Variants in LRP1B observed in about 807,000 individuals in gnomAD.
The protein encoded by LRP1B is low-density lipoprotein receptor-related protein 1B.
A neutral mutation model predicts 556.6 loss-of-function variants in LRP1B; 217 were observed. The ratio of observed to expected loss-of-function variants is 0.39; its 90% CI spans 0.35 to 0.44. The LOEUF (loss-of-function observed/expected upper bound fraction) is 0.44. LRP1B is among the 20% of genes least tolerant of loss of function. LRP1B has a pLI of 1.00. For synonymous variants in LRP1B, 2,047 were observed against 1,865.8 expected (o/e 1.10, Z -2.50); for missense variants, 5,053 against 5,620.8 (o/e 0.90, Z 3.23).
At chr2:141,512,451 A>G (rs577930199) in intron 2 of LRP1B, among the ~76,000 whole-genome samples, 1 of 152,048 alleles carries the variant, frequency 6.6e-6, no homozygotes, top group African/African-American at 2.4e-5. Context: ...TTTACTCCAG[A>G]CTCACTGTTC....
intron 2 of LRP1B, among the ~76,000 whole-genome samples, chr2:141,591,522 T>G (rs902518371): frequency 3.3e-5 from 5 of 152,116 alleles, no homozygotes; most frequent in African/African-American, 1.2e-4. Flanking sequence ...AGAAACATAT[T>G]TTAATTGAAG....
chr2:141,687,730 G>C (rs1195613034), intron 2 of LRP1B, among the ~76,000 whole-genome samples: 1 of 151,972 alleles, frequency 6.6e-6, no homozygotes, highest in African/African-American at 2.4e-5. Context: ...TTTTCCACGT[G>C]AAGGCTTTTT....
intron 2 of LRP1B, among the ~76,000 whole-genome samples, chr2:141,807,536 C>T (rs1696204594): frequency 6.6e-6 from 1 of 152,008 alleles, no homozygotes; most frequent in African/African-American, 2.4e-5. Flanking sequence ...TTGGATCCAT[C>T]AAATGTTATT....
In LRP1B at chr2:141,439,311, C is replaced by T. The variant is rs1022243625; in HGVS notation, c.343+41085G>A. ...TTTAATGGTTTTCTTGCAGTGTTCA[C>T]GGAAGGTAACAAGCAAGAAGTTTGA... On this transcript the variant is annotated intron_variant, in intron 3 of 90. Transcript: ENST00000389484. 5.3e-5 allele frequency among the ~76,000 whole-genome samples: 8 copies of T among 151,892 alleles called. 1 individual carries two copies. Among genetic ancestry groups the T allele is most frequent in the Non-Finnish European group, 4.4e-5 (3 of 67,950 alleles).
chr2:140,445,226 C>T (rs982819631), intron 63 of LRP1B, among the ~76,000 whole-genome samples: 2 of 152,062 alleles, frequency 1.3e-5, no homozygotes, highest in African/African-American at 4.8e-5. Context: ...AGCAATTCTA[C>T]TGCCTCAGCC....
At chr2:141,558,068 G>A (rs1686025703) in intron 2 of LRP1B, among the ~76,000 whole-genome samples, 1 of 151,892 alleles carries the variant, frequency 6.6e-6, no homozygotes, top group Admixed American at 6.6e-5. Flanking sequence ...AATCTCAGGG[G>A]CAATTAATGA....
intron 66 of LRP1B, among the ~76,000 whole-genome samples, chr2:140,406,691 A>G (rs1684753730): frequency 6.6e-6 from 1 of 152,100 alleles, no homozygotes; most frequent in African/African-American, 2.4e-5. Flanking sequence ...AGAAATCACT[A>G]ATGACACAAA....
chr2:140,398,427 GACACAAACAC>G (rs1308034576), intron 66 of LRP1B, among the ~76,000 whole-genome samples: 1 of 152,072 alleles, frequency 6.6e-6, no homozygotes, highest in African/African-American at 2.4e-5. Flanking sequence ...ACAACACCTG[GACACAAACAC>G]ACACAAACAC....
chr2:141,501,313 T>A (rs6741998), intron 2 of LRP1B, among the ~76,000 whole-genome samples: 17,694 of 152,072 alleles, frequency 0.12, 1,154 homozygotes, highest in African/African-American at 0.17. Context: ...AACATAAGTA[T>A]CATAAAATGG....
chr2:142,026,337 A>T (rs1328655571), intron 1 of LRP1B, among the ~76,000 whole-genome samples: 1 of 152,024 alleles, frequency 6.6e-6, no homozygotes, highest in Admixed American at 6.6e-5. Context: ...CGATATGGAG[A>T]CAGCTGAAAA....
At chr2:141,321,711 T>C (rs568524798) in intron 3 of LRP1B, among the ~76,000 whole-genome samples, 70 of 152,206 alleles carry the variant, frequency 4.6e-4, no homozygotes, top group Admixed American at 7.2e-4. Context: ...CTCTGAAGGA[T>C]ATAGATGAAT....
At chr2:140,477,768 T>C (rs113620189) in intron 59 of LRP1B, among the ~76,000 whole-genome samples, 7,326 of 152,198 alleles carry the variant, frequency 0.048, 217 homozygotes, top group African/African-American at 0.052. Context: ...AGTCCAACAT[T>C]TGTTACATCA....
In LRP1B at chr2:141,590,358, G is replaced by T. The variant is rs982551604; in HGVS notation, c.206-109825C>A. Among the ~76,000 whole-genome samples, 63 of 152,188 alleles carry T rather than the reference G, an allele frequency of 4.1e-4. 1 individual carries two copies. Among genetic ancestry groups the T allele is most frequent in the African/African-American group, 1.5e-3 (63 of 41,530 alleles). On this transcript the variant is annotated intron_variant, in intron 2 of 90. Coordinates refer to ENST00000389484, the MANE Select transcript of LRP1B (RefSeq NM_018557.3). ...AATACTTTCGCCTATTCCTTTGTGA[G>T]ACAAAGGCTGAATTTTAAAAACTTT...
chr2:141,323,691 G>A (rs184486015), intron 3 of LRP1B, among the ~76,000 whole-genome samples: 2 of 152,084 alleles, frequency 1.3e-5, no homozygotes. Context: ...AAGACTCACA[G>A]ATGTTACTCC....
At chr2:140,670,072 C>T (rs979523764) in intron 41 of LRP1B, among the ~76,000 whole-genome samples, 1 of 152,200 alleles carries the variant, frequency 6.6e-6, no homozygotes, top group South Asian at 2.1e-4. Flanking sequence ...GCAAACTTCT[C>T]TAAGAATGTT....
At chr2:141,819,325 C>T (rs1449996968) in intron 1 of LRP1B, among the ~76,000 whole-genome samples, 1 of 152,052 alleles carries the variant, frequency 6.6e-6, no homozygotes, top group Non-Finnish European at 1.5e-5. Context: ...CAACCGTCTA[C>T]TCAAAACACC....
intron 3 of LRP1B, among the ~76,000 whole-genome samples, chr2:141,374,309 C>T (rs1420896804): frequency 6.6e-6 from 1 of 152,058 alleles, no homozygotes; most frequent in Non-Finnish European, 1.5e-5. Flanking sequence ...TTTAATATTA[C>T]TTCTTTCACT....
intron 43 of LRP1B, among the ~76,000 whole-genome samples, chr2:140,554,642 C>T (rs931415704): frequency 6.6e-6 from 1 of 151,986 alleles, no homozygotes; most frequent in Non-Finnish European, 1.5e-5. Context: ...ATTACAAGAG[C>T]TTTTATTTTC....
intron 3 of LRP1B, among the ~76,000 whole-genome samples, chr2:141,446,800 T>C (rs1559074792): frequency 6.6e-6 from 1 of 152,200 alleles, no homozygotes; most frequent in South Asian, 2.1e-4. Context: ...CTGATGGGAT[T>C]TCCTTTGTGG....
Sources: allele counts gnomAD v4.1 joint callset (sites outside exome capture counted in the v4.1 genomes callset), GRCh38; gene constraint gnomAD v4.1.1; transcripts MANE v1.5; gene names NCBI Gene and HGNC (gene_info 2026-07-23, HGNC 2026-07-21).